CPNE3: variants seen among roughly 807,000 people sequenced by gnomAD.
CPNE3 encodes copine 3, also known as copine-3.
CPNE3 carries 68 observed loss-of-function variants against 63.9 expected under a neutral mutation model. The ratio of observed to expected loss-of-function variants is 1.06; its 90% CI spans 0.87 to 1.30. The LOEUF is 1.30. CPNE3 is among the 50% of genes most tolerant of loss of function. CPNE3 has a pLI of 0.00. For synonymous variants in CPNE3, 219 were observed against 197.5 expected (o/e 1.11, Z -0.91); for missense variants, 665 against 578.1 (o/e 1.15, Z -1.54).
chr8:86,551,190 A>T lies in CPNE3; in HGVS notation c.1076A>T (p.His359Leu), dbSNP rs1821167941. The T allele has an allele frequency of 6.2e-7, 1 of 1,612,928 alleles. No individual in the cohort carries two copies. The highest frequency in any genetic ancestry group is 8.5e-7 in the Non-Finnish European group (1 of 1,179,014). The change falls in exon 14 of 17, where the codon CAT becomes CTT. Residue 359 changes from histidine to leucine, a missense_variant. By Grantham distance (99) the His-to-Leu change is moderately conservative. Transcript: ENST00000517490. ...AQIPPQWQVS[H>L]EFPMNFNPSN... The stretch of plus-strand genomic sequence containing the variant: ...TTTGTCCATCTTTGACAGGTATCAC[A>T]TGAATTTCCAATGAACTTCAACCCA...
chr8:86,558,291 C>A lies in CPNE3; in HGVS notation c.1495C>A (p.Pro499Thr). 1 of 872,878 alleles carries A rather than the reference C, an allele frequency of 1.1e-6. No individual in the cohort carries two copies. The highest frequency in any genetic ancestry group is 2.4e-5 in the East Asian group (1 of 41,698). The allele number at this position is 872,878 out of a possible 1,614,324, so 54.1% of individuals were successfully genotyped here. ...FVPFRQFQNAPKEALAQCVLA... is the reference protein window; with the variant it reads ...FVPFRQFQNATKEALAQCVLA... ...CTTTTATTTTGTTTTTCACAAGGCT[C>A]CAAAAGAAGCACTTGCTCAGTGTGT... Residue 499 changes from proline (P) to threonine (T), a missense_variant, in exon 17 of 17, where the codon CCA becomes ACA. Transcript: ENST00000517490.
rs1198470807 is a variant in CPNE3, at chr8:86,528,595, AT to A, written c.51del (p.Leu18PhefsTer6). 7 of 1,613,970 alleles carry A rather than the reference AT, an allele frequency of 4.3e-6. No homozygotes were observed. On this transcript the variant is annotated frameshift_variant, in exon 3 of 17. Transcript: ENST00000517490. LOFTEE classifies it high-confidence loss of function. ...TKVALNVSCA[N>X]LLDKDIGSKS... ...GTGGCGCTGAATGTTTCCTGTGCCA[AT>A]CTTTTGGATAAAGATATAGGGTCAA...
chr8:86,517,828 A>G (rs56122533), intron 2 of CPNE3, among the ~76,000 whole-genome samples: 47,357 of 152,184 alleles, frequency 0.31, 8,900 homozygotes, highest in Middle Eastern at 0.45. Flanking sequence ...ACCTTAGAAC[A>G]GTGCCTGACA....
chr8:86,554,378 G>C (rs1464234120), intron 14 of CPNE3, among the ~76,000 whole-genome samples: 1 of 152,186 alleles, frequency 6.6e-6, no homozygotes, highest in Non-Finnish European at 1.5e-5. Flanking sequence ...ATAAACACTT[G>C]TATCAGTTAA....
intron 10 of CPNE3, 156 bp from the exon 11 acceptor site, chr8:86,547,555 G>T (rs757779313): frequency 2.3e-5 from 12 of 516,266 alleles, no homozygotes; most frequent in Non-Finnish European, 4.1e-5. Context: ...ATGGCACATA[G>T]GGGAAGGGGT....
intron 8 of CPNE3, 116 bp from the exon 9 acceptor site, chr8:86,544,624 C>T (rs1460979067): frequency 5.0e-6 from 2 of 398,428 alleles, no homozygotes; most frequent in East Asian, 8.9e-5. Context: ...GCATAGTACA[C>T]ATTTTCATTT....
At chr8:86,545,923 T>C (rs1462907229) in intron 9 of CPNE3, among the ~76,000 whole-genome samples, 1 of 151,802 alleles carries the variant, frequency 6.6e-6, no homozygotes, top group Non-Finnish European at 1.5e-5. Flanking sequence ...TTTAAAGAGG[T>C]AGATAGAGAT....
At chr8:86,530,801 C>T (rs973665526) in intron 4 of CPNE3, among the ~76,000 whole-genome samples, 1 of 151,162 alleles carries the variant, frequency 6.6e-6, no homozygotes, top group African/African-American at 2.4e-5. Context: ...AAGTGATTCT[C>T]CTGCCTCAGT....
intron 2 of CPNE3, chr8:86,524,851 T>TCTTTCTTC (rs1820508076): frequency 6.7e-6 from 1 of 149,240 alleles, no homozygotes; most frequent in African/African-American, 2.5e-5. Flanking sequence ...TTTTCATTTT[T>TCTTTCTTC]CTTTCTTTCT....
intron 14 of CPNE3, chr8:86,554,047 T>TCTTA (rs773523609): frequency 6.6e-6 from 1 of 152,216 alleles, no homozygotes; most frequent in Non-Finnish European, 1.5e-5. Context: ...TCTCCATGTT[T>TCTTA]CTTATATTGG....
chr8:86,552,972 C>CCCCCGA (rs1554602824), intron 14 of CPNE3, among the ~76,000 whole-genome samples: 1 of 18,934 alleles, frequency 5.3e-5, no homozygotes, highest in Non-Finnish European at 2.0e-4. Flanking sequence ...GCCCCCCCCC[C>CCCCCGA]CCCCCCGCCC....
At chr8:86,537,451 A>G (rs958240883) in intron 6 of CPNE3, 112 bp from the exon 7 acceptor site, 19 of 707,716 alleles carry the variant, frequency 2.7e-5, no homozygotes, top group Non-Finnish European at 3.9e-5. Context: ...TTTACTATCA[A>G]TACTATAGAG....
At chr8:86,525,812 C>T (rs1305653344) in intron 2 of CPNE3, among the ~76,000 whole-genome samples, 1 of 152,034 alleles carries the variant, frequency 6.6e-6, no homozygotes, top group Non-Finnish European at 1.5e-5. Context: ...TATTGTTGCT[C>T]ATTCTATGTT....
At chr8:86,547,481 T>G in intron 10 of CPNE3, 1 of 422,696 alleles carries the variant, frequency 2.4e-6, no homozygotes, top group Admixed American at 4.3e-5. Context: ...TATTTCATCT[T>G]TCGCCATTAG....
At position 86,532,567 on chromosome 8, in the gene CPNE3, A is replaced by C; in HGVS notation, c.446A>C (p.Lys149Thr). The change falls in exon 6 of 17, where the codon AAA becomes ACA. Residue 149 changes from lysine (K) to threonine (T), a missense_variant. Lys to Thr is a moderately conservative substitution (Grantham distance 78, BLOSUM62 -1). Coordinates refer to ENST00000517490, the MANE Select transcript of CPNE3 (RefSeq NM_003909.5). The stretch of plus-strand genomic sequence containing the variant: ...GTCTTGTTTGAAATGGAAGCCAGAA[A>C]ACTGGATAATAAGGTGGGTAGACTA... ...RVVLFEMEAR[K>T]LDNKDLFGKS... 1.9e-6 allele frequency: 3 copies of C among 1,613,014 alleles called. No homozygotes were observed. The highest frequency in any genetic ancestry group is 2.5e-6 in the Non-Finnish European group (3 of 1,179,508).
intron 2 of CPNE3, among the ~76,000 whole-genome samples, chr8:86,516,996 T>A (rs1016945086): frequency 2.6e-5 from 4 of 152,222 alleles, no homozygotes; most frequent in Non-Finnish European, 4.4e-5. Context: ...CTTCCATTGG[T>A]GGTACTCAGT....
intron 8 of CPNE3, 54 bp from the exon 9 acceptor site, chr8:86,544,686 C>G (rs1821009392): frequency 3.3e-6 from 3 of 916,034 alleles, no homozygotes; most frequent in Non-Finnish European, 1.5e-6. Flanking sequence ...GCAGCCAATA[C>G]TTTTTAATAA....
rs757977347 is a variant in CPNE3 at position 86,558,723 on chromosome 8, G to A, written c.*313G>A. On this transcript the variant is annotated 3_prime_UTR_variant, in exon 17 of 17. Transcript: ENST00000517490. ...TTTACTTTCATATGATGAAAATGCTGTGTTTAAGTGTTTGTCAATAGGAAG... is the reference window on the plus strand; with the variant it reads ...TTTACTTTCATATGATGAAAATGCTATGTTTAAGTGTTTGTCAATAGGAAG... 3.6e-6 allele frequency: 1 copy of A among 279,962 alleles called. No individual in the cohort carries two copies. Among genetic ancestry groups the A allele is most frequent in the South Asian group, 4.8e-5 (1 of 21,042 alleles). The allele number at this position is 279,962 out of a possible 1,614,324, so 17.3% of individuals were successfully genotyped here. A position where few individuals can be genotyped will look rare whatever the true frequency, so the allele number is the denominator to read the frequency against.
chr8:86,543,475 T>G (rs1820986893), intron 8 of CPNE3, among the ~76,000 whole-genome samples: 1 of 152,174 alleles, frequency 6.6e-6, no homozygotes, highest in South Asian at 2.1e-4. Flanking sequence ...GTATTTTAGC[T>G]TGGCAGTTAA....
Sources: gnomAD v4.1 joint callset for allele counts (sites outside exome capture counted in the v4.1 genomes callset) on GRCh38, gnomAD v4.1.1 for gene constraint, MANE v1.5 for transcripts, NCBI Gene and HGNC (gene_info 2026-07-23, HGNC 2026-07-21) for gene names.